PPIL4: variants seen among roughly 807,000 people sequenced by gnomAD.
PPIL4 encodes peptidylprolyl isomerase like 4, also known as peptidyl-prolyl cis-trans isomerase-like 4.
Under a neutral mutation model 69.1 loss-of-function variants are expected in PPIL4, and 50 were observed. That is an observed-to-expected ratio of 0.72 (90% CI 0.58 to 0.92). The LOEUF (loss-of-function observed/expected upper bound fraction) is 0.92. PPIL4 is among the 40% of genes least tolerant of loss of function. PPIL4 has a pLI of 0.00. For synonymous variants in PPIL4, 193 were observed against 191.6 expected (o/e 1.01, Z -0.06); for missense variants, 480 against 587.9 (o/e 0.82, Z 1.90).
intron 11 of PPIL4, among the ~76,000 whole-genome samples, chr6:149,513,433 A>T (rs1776892104): frequency 7.1e-6 from 1 of 140,752 alleles, no homozygotes; most frequent in Non-Finnish European, 1.5e-5. Flanking sequence ...ATATATATAT[A>T]TATATACATA....
intron 10 of PPIL4, 93 bp downstream of exon 10, chr6:149,520,967 C>T (rs1042940721): frequency 1.8e-5 from 12 of 674,648 alleles, no homozygotes; most frequent in African/African-American, 9.2e-5. Flanking sequence ...GAACCAAGAT[C>T]GTGCCACTGC....
chr6:149,525,024 T>G (rs913842023), intron 9 of PPIL4, 119 bp downstream of exon 9: 9 of 523,666 alleles, frequency 1.7e-5, no homozygotes, highest in Admixed American at 1.1e-4. Flanking sequence ...AAACTTAATT[T>G]TGGGGAGTGC....
chr6:149,514,375 G>A (rs752017011), intron 11 of PPIL4, among the ~76,000 whole-genome samples: 1 of 152,058 alleles, frequency 6.6e-6, no homozygotes, highest in Non-Finnish European at 1.5e-5. Flanking sequence ...AGGCTGGAGT[G>A]CAGTGGCCTG....
At chr6:149,522,336 A>T (rs1032277335) in intron 9 of PPIL4, among the ~76,000 whole-genome samples, 23 of 152,226 alleles carry the variant, frequency 1.5e-4, no homozygotes, top group Admixed American at 1.2e-3. Flanking sequence ...TAAATATTCA[A>T]AAGTCAAAAA....
In PPIL4 at chr6:149,535,696, C is replaced by T. The variant is rs1777266005; in HGVS notation, c.364G>A (p.Val122Ile). ...TGENLDYLDG[V>I]HTVFGEVTEG... The stretch of plus-strand genomic sequence containing the variant: ...GTCACCTCACCAAACACCGTATGGA[C>T]ACCATCAAGATAATCTAGATTTTCT... The change falls in exon 5 of 13, where the codon GTC becomes ATC. Residue 122 changes from valine (V) to isoleucine (I), a missense_variant. Coordinates refer to ENST00000253329, the MANE Select transcript of PPIL4 (RefSeq NM_139126.4). 6.2e-7 allele frequency: 1 copy of T among 1,610,024 alleles called. No individual in the cohort carries two copies. Among genetic ancestry groups the T allele is most frequent in the Middle Eastern group, 1.7e-4 (1 of 6,048 alleles).
At chr6:149,521,759 G>A (rs997888345) in intron 9 of PPIL4, among the ~76,000 whole-genome samples, 4 of 152,140 alleles carry the variant, frequency 2.6e-5, no homozygotes, top group African/African-American at 9.7e-5. Context: ...TTACCTTTCT[G>A]AATTCTGAAA....
chr6:149,530,832 AT>A (rs1429456730), intron 7 of PPIL4, among the ~76,000 whole-genome samples: 1 of 152,162 alleles, frequency 6.6e-6, no homozygotes, highest in Non-Finnish European at 1.5e-5. Flanking sequence ...TATGGGGGAA[AT>A]TTGACAAGGA....
chr6:149,513,947 A>C (rs1562256774), intron 11 of PPIL4, among the ~76,000 whole-genome samples: 2 of 152,218 alleles, frequency 1.3e-5, no homozygotes, highest in Non-Finnish European at 2.9e-5. Flanking sequence ...TTCCAGAGAA[A>C]GGTTATGAGG....
In PPIL4 at chr6:149,535,584, T is replaced by C. The variant is rs778847242; in HGVS notation, c.464+12A>G. 17 of 1,605,850 alleles carry C rather than the reference T, an allele frequency of 1.1e-5. No individual in the cohort carries two copies. Among genetic ancestry groups the C allele is most frequent in the Non-Finnish European group, 1.4e-5 (17 of 1,175,428 alleles). ...CATTCTAGTACATTCAGATAGCAAA[T>C]TGTAACCATACCTGATATCCTGATA... On this transcript the variant is annotated intron_variant, in intron 5 of 12. Coordinates refer to ENST00000253329, the MANE Select transcript of PPIL4 (RefSeq NM_139126.4).
intron 6 of PPIL4, 101 bp downstream of exon 6, chr6:149,534,577 G>T: frequency 1.6e-6 from 1 of 637,096 alleles, no homozygotes; most frequent in Non-Finnish European, 2.7e-6. Flanking sequence ...AATTAAGCAA[G>T]ATAATAATTC....
intron 8 of PPIL4, among the ~76,000 whole-genome samples, chr6:149,526,404 G>C (rs917967156): frequency 6.6e-6 from 1 of 152,136 alleles, no homozygotes; most frequent in African/African-American, 2.4e-5. Context: ...TTCATTTCCT[G>C]TTTTAGGGTG....
chr6:149,504,908 A>G lies in PPIL4; in HGVS notation c.*545T>C, dbSNP rs1487582310. On this transcript the variant is annotated 3_prime_UTR_variant, in exon 13 of 13. Coordinates refer to ENST00000253329, the MANE Select transcript of PPIL4 (RefSeq NM_139126.4). ...TAATACTATATAGCAATAAAAATGA[A>G]AGAAAGTCACAGAAGTAAACATTTT... 1 of 151,472 alleles carries G rather than the reference A, an allele frequency of 6.6e-6. No individual in the cohort carries two copies. Among genetic ancestry groups the G allele is most frequent in the Admixed American group, 6.6e-5 (1 of 15,258 alleles). The allele number at this position is 151,472 out of a possible 1,614,324, so 9.4% of individuals were successfully genotyped here.
intron 6 of PPIL4, among the ~76,000 whole-genome samples, 180 bp downstream of exon 6, chr6:149,534,498 A>T (rs1265570361): frequency 6.6e-6 from 1 of 152,238 alleles, no homozygotes; most frequent in Non-Finnish European, 1.5e-5. Context: ...AAATTAGAGA[A>T]ATGAGAAGAC....
intron 4 of PPIL4, among the ~76,000 whole-genome samples, chr6:149,536,788 A>C (rs541759778): frequency 1.1e-4 from 16 of 151,926 alleles, no homozygotes; most frequent in Admixed American, 9.2e-4. Flanking sequence ...AGCTGTCTCC[A>C]TAATTTAAAA....
intron 4 of PPIL4, among the ~76,000 whole-genome samples, chr6:149,540,397 A>G (rs1777341582): frequency 6.6e-6 from 1 of 152,198 alleles, no homozygotes; most frequent in African/African-American, 2.4e-5. Context: ...CAGGCGGATC[A>G]TGAGGTCACG....
chr6:149,527,690 T>G (rs1471813835), intron 7 of PPIL4, among the ~76,000 whole-genome samples: 1 of 152,184 alleles, frequency 6.6e-6, no homozygotes, highest in Non-Finnish European at 1.5e-5. Flanking sequence ...TGGTTTTCCT[T>G]TTTCAGTCAT....
At chr6:149,540,624 AAATT>A (rs991036396) in intron 4 of PPIL4, among the ~76,000 whole-genome samples, 4 of 152,214 alleles carry the variant, frequency 2.6e-5, no homozygotes, top group Admixed American at 2.6e-4. Flanking sequence ...TCATAAAAAT[AAATT>A]AATTAATTAA....
At chr6:149,519,371 C>T (rs1776995293) in intron 10 of PPIL4, among the ~76,000 whole-genome samples, 1 of 152,142 alleles carries the variant, frequency 6.6e-6, no homozygotes, top group Admixed American at 6.5e-5. Context: ...ATAAGAGCCA[C>T]CTGGCATTAC....
intron 4 of PPIL4, among the ~76,000 whole-genome samples, chr6:149,539,643 G>A (rs1777330969): frequency 6.6e-6 from 1 of 152,172 alleles, no homozygotes; most frequent in African/African-American, 2.4e-5. Flanking sequence ...CCCCCGCAAA[G>A]TACTGGGATT....
Sources: gnomAD v4.1 joint callset for allele counts (sites outside exome capture counted in the v4.1 genomes callset) on GRCh38, gnomAD v4.1.1 for gene constraint, MANE v1.5 for transcripts, NCBI Gene and HGNC (gene_info 2026-07-23, HGNC 2026-07-21) for gene names.